The following DMD variants were observed in gnomAD, a reference collection of about 807,000 sequenced individuals.
DMD encodes the protein mutant dystrophin.
A neutral mutation model predicts 330.1 loss-of-function variants in DMD; 63 were observed. That is an observed-to-expected ratio of 0.19 (90% CI 0.16 to 0.24). DMD has a LOEUF of 0.24. Ranked by LOEUF, DMD falls within the 10% of genes least tolerant of loss-of-function variation. The pLI, the probability that DMD is intolerant of heterozygous loss-of-function variation, is 1.00. For missense variants in DMD, 3,344 were observed against 2,684.1 expected (o/e 1.25, Z -5.43); for synonymous variants, 1,223 against 959.8 (o/e 1.27, Z -5.07).
Position 31,814,414 on chromosome X carries a change from C to T in DMD, c.7309+5561G>A, listed in dbSNP as rs1436478540. Among the ~76,000 whole-genome samples, 4 of 84,521 alleles carry T rather than the reference C, an allele frequency of 4.7e-5. No individual in the cohort carries two copies. The East Asian group carries it at 1.3e-3, about 28-fold the overall frequency. 73.4% of individuals were successfully genotyped at this position (84,521 alleles called of 115,157 possible). A position where few individuals can be genotyped will look rare whatever the true frequency, so the allele number is the denominator to read the frequency against. On this transcript the variant is annotated intron_variant, in intron 50 of 78. Coordinates refer to ENST00000357033, the MANE Select transcript of DMD (RefSeq NM_004006.3). ...AGGAGAATGGCGTGAACCCGGGAGG[C>T]GGAGCTTGCAGTGAGCCGAGATCGC...
intron 7 of DMD, among the ~76,000 whole-genome samples, chrX:32,700,612 T>C (rs994028458): frequency 8.9e-6 from 1 of 111,879 alleles, no homozygotes; most frequent in East Asian, 2.8e-4. Flanking sequence ...TAGTTCAATG[T>C]AGCCATTCCA....
intron 7 of DMD, among the ~76,000 whole-genome samples, chrX:32,706,962 C>T (rs1450010212): frequency 9.1e-6 from 1 of 110,292 alleles, no homozygotes; most frequent in Non-Finnish European, 1.9e-5. Context: ...TATGGTGGTG[C>T]ATGCCTGTAA....
At chrX:31,173,743 A>G (rs936352390) in intron 71 of DMD, 139 bp from the exon 72 acceptor site, 4 of 415,435 alleles carry the variant, frequency 9.6e-6, no homozygotes, top group African/African-American at 7.6e-5. Context: ...AGTTGCTCCT[A>G]TATCTTAAAT....
chrX:32,226,808 TAC>T (rs766897974), intron 43 of DMD, among the ~76,000 whole-genome samples: 14 of 111,260 alleles, frequency 1.3e-4, no homozygotes, highest in African/African-American at 3.6e-4. Flanking sequence ...TCGATATTAA[TAC>T]AGTTAGTAAT....
chrX:32,943,235 T>A (rs1179216110), intron 2 of DMD, among the ~76,000 whole-genome samples: 3 of 111,803 alleles, frequency 2.7e-5, no homozygotes, highest in Admixed American at 9.5e-5. Context: ...CATGTACAGA[T>A]AATTTGATTA....
chrX:33,292,093 C>T (rs1288063401), intron 1 of DMD, among the ~76,000 whole-genome samples: 1 of 111,223 alleles, frequency 9.0e-6, no homozygotes, highest in Non-Finnish European at 1.9e-5. Context: ...TCATTCCCTT[C>T]CCCAAAACTT....
At chrX:31,908,420 G>A (rs775920283) in intron 47 of DMD, among the ~76,000 whole-genome samples, 1 of 110,847 alleles carries the variant, frequency 9.0e-6, no homozygotes, top group East Asian at 2.9e-4. Flanking sequence ...CCTTTGAAGG[G>A]ACATGGATGA....
intron 44 of DMD, among the ~76,000 whole-genome samples, chrX:32,212,013 T>C (rs1305323448): frequency 8.9e-6 from 1 of 112,085 alleles, no homozygotes; most frequent in Non-Finnish European, 1.9e-5. Flanking sequence ...TACTTTCCTA[T>C]TTTCACTGAA....
rs780047947 is a variant in DMD at position 33,130,287 on chromosome X, A to C, written c.31+80995T>G. The stretch of plus-strand genomic sequence containing the variant: ...GTTGTTCACAATTGCACAACAGTGC[A>C]AGATTCCACAATGCACCTTCAAGGA... On this transcript the variant is annotated intron_variant, in intron 1 of 78. Transcript: ENST00000357033. Among the ~76,000 whole-genome samples the C allele has an allele frequency of 4.5e-5, 5 of 111,982 alleles. No homozygotes were observed. In the South Asian group the frequency reaches 1.5e-3, roughly 33 times the overall value.
At chrX:32,840,092 A>G (rs1398080064) in intron 4 of DMD, among the ~76,000 whole-genome samples, 1 of 112,218 alleles carries the variant, frequency 8.9e-6, no homozygotes, top group African/African-American at 3.2e-5. Flanking sequence ...TGGTTTCTGC[A>G]TGAGAATGTC....
intron 23 of DMD, among the ~76,000 whole-genome samples, chrX:32,467,669 ATATG>A (rs2040181971): frequency 2.8e-5 from 3 of 106,553 alleles, no homozygotes; most frequent in East Asian, 2.9e-4. Flanking sequence ...TATACATGTT[ATATG>A]TATGTGTGTG....
chrX:32,317,111 A>C (rs1187724358), intron 41 of DMD, among the ~76,000 whole-genome samples: 1 of 111,230 alleles, frequency 9.0e-6, no homozygotes, highest in East Asian at 2.8e-4. Flanking sequence ...TGCTTTTGTT[A>C]ATGTTCTTTA....
chrX:32,826,927 A>C (rs1295386060), intron 4 of DMD, among the ~76,000 whole-genome samples: 1 of 110,992 alleles, frequency 9.0e-6, no homozygotes, highest in Non-Finnish European at 1.9e-5. Flanking sequence ...AGATATTTTA[A>C]AAAATCATAT....
intron 47 of DMD, among the ~76,000 whole-genome samples, chrX:31,875,647 G>C (rs2093956921): frequency 9.0e-6 from 1 of 111,674 alleles, no homozygotes; most frequent in Non-Finnish European, 1.9e-5. Flanking sequence ...TTACACAAAG[G>C]CATAGCCAAC....
At chrX:32,263,368 T>G (rs1831669123) in intron 43 of DMD, among the ~76,000 whole-genome samples, 1 of 111,887 alleles carries the variant, frequency 8.9e-6, no homozygotes, top group Admixed American at 9.5e-5. Flanking sequence ...GTTATTAAAT[T>G]TTAGAACATA....
chrX:32,612,753 C>T (rs2057274968), intron 12 of DMD, among the ~76,000 whole-genome samples: 2 of 111,309 alleles, frequency 1.8e-5, no homozygotes, highest in African/African-American at 6.5e-5. Context: ...ACAATTTCTA[C>T]ATAATTGCAA....
intron 30 of DMD, among the ~76,000 whole-genome samples, chrX:32,409,186 T>C (rs2098131971): frequency 9.0e-6 from 1 of 111,633 alleles, no homozygotes; most frequent in Non-Finnish European, 1.9e-5. Flanking sequence ...CAGAAGAATG[T>C]TTTAAGAGCT....
intron 1 of DMD, among the ~76,000 whole-genome samples, chrX:33,194,635 A>G (rs1439370391): frequency 9.0e-6 from 1 of 111,209 alleles, no homozygotes; most frequent in African/African-American, 3.3e-5. Flanking sequence ...AAAATATTAA[A>G]GAAAAAGTTA....
intron 11 of DMD, among the ~76,000 whole-genome samples, chrX:32,633,228 G>A (rs1375575107): frequency 9.0e-6 from 1 of 111,169 alleles, no homozygotes; most frequent in African/African-American, 3.3e-5. Flanking sequence ...TTGCTGCTTA[G>A]AAATTCATTC....
Sources: allele counts gnomAD v4.1 joint callset (sites outside exome capture counted in the v4.1 genomes callset), GRCh38; gene constraint gnomAD v4.1.1; transcripts MANE v1.5; gene names NCBI Gene and HGNC (gene_info 2026-07-23, HGNC 2026-07-21).